SYN3: variants seen among roughly 807,000 people sequenced by gnomAD.
SYN3 encodes the protein synapsin III.
SYN3 carries 35 observed loss-of-function variants against 65.8 expected under a neutral mutation model. That is an observed-to-expected ratio of 0.53 (90% CI 0.41 to 0.70). SYN3 has a LOEUF of 0.70. Among genes scored for constraint, SYN3 ranks in the 30% least tolerant of loss-of-function variants. The pLI is 0.00. For synonymous variants in SYN3, 270 were observed against 292.9 expected, an observed-to-expected ratio of 0.92 and a Z score of 0.80; for missense variants, 680 against 749.0, an observed-to-expected ratio of 0.91 and a Z score of 1.08.
chr22:32,599,322 T>C (rs1025802934), intron 6 of SYN3, among the ~76,000 whole-genome samples: 7 of 146,070 alleles, frequency 4.8e-5, no homozygotes, highest in Non-Finnish European at 8.8e-5. Context: ...GCCCCTGATG[T>C]ACTTTTTTTT....
intron 6 of SYN3, among the ~76,000 whole-genome samples, chr22:32,731,289 T>C (rs2061267129): frequency 6.6e-6 from 1 of 152,194 alleles, no homozygotes. Context: ...TCAGATGCCA[T>C]GCCAGGACTG....
Position 32,749,639 on chromosome 22 carries a change from T to TCAA in SYN3, c.711+115273_711+115275dup, listed in dbSNP as rs559074812. 4.1e-4 allele frequency among the ~76,000 whole-genome samples: 63 copies of TCAA among 152,000 alleles called. No individual in the cohort carries two copies. The Middle Eastern group carries it at 0.01, about 25-fold the overall frequency. On this transcript the variant is annotated intron_variant, in intron 6 of 13. Transcript: ENST00000358763. Reference sequence around the variant, plus strand: ...CTGGGTGACAGAATGAGACTTCATCTCAACAACAACAACAACAACAAAAAT... The same window carrying TCAA: ...CTGGGTGACAGAATGAGACTTCATCTCAACAACAACAACAACAACAACAAAAAT...
At chr22:32,867,575 C>T (rs1216261340) in intron 5 of SYN3, among the ~76,000 whole-genome samples, 5 of 152,102 alleles carry the variant, frequency 3.3e-5, no homozygotes, top group African/African-American at 9.7e-5. Flanking sequence ...AGTACTTGAG[C>T]GAGTGGAGGA....
chr22:33,006,116 C>T (rs961081659), intron 2 of SYN3, among the ~76,000 whole-genome samples: 6 of 152,010 alleles, frequency 3.9e-5, no homozygotes, highest in Non-Finnish European at 8.8e-5. Context: ...GATTTGCAGG[C>T]GAGGGACTGT....
Position 32,847,265 on chromosome 22 carries a change from G to A in SYN3, c.711+17650C>T, listed in dbSNP as rs758608167. Among the ~76,000 whole-genome samples, 6 of 152,188 alleles carry A rather than the reference G, an allele frequency of 3.9e-5. No homozygotes were observed. The East Asian group carries it at 7.7e-4, about 20-fold the overall frequency. ...GGAGGAAACAGTCCCCGGGGCCTCC[G>A]GGAGGCTGGCTTGTCGCCGAGAATA... On this transcript the variant is annotated intron_variant, in intron 6 of 13. Transcript: ENST00000358763.
At chr22:32,766,827 A>C (rs952189428) in intron 6 of SYN3, among the ~76,000 whole-genome samples, 21 of 152,194 alleles carry the variant, frequency 1.4e-4, no homozygotes, top group African/African-American at 4.8e-4. Flanking sequence ...TTGAGTGGGA[A>C]TGGGTATAGA....
intron 1 of SYN3, among the ~76,000 whole-genome samples, chr22:33,009,210 T>C (rs984433285): frequency 3.3e-5 from 5 of 152,154 alleles, no homozygotes; most frequent in Non-Finnish European, 5.9e-5. Context: ...TCAAAAAGTT[T>C]CCCATAGTGG....
At chr22:32,845,229 G>A (rs966767191) in intron 6 of SYN3, among the ~76,000 whole-genome samples, 8 of 151,686 alleles carry the variant, frequency 5.3e-5, no homozygotes, top group African/African-American at 1.9e-4. Flanking sequence ...ATGGAATCTC[G>A]CTCTGTTTCC....
chr22:32,659,229 A>C (rs4820086), intron 6 of SYN3, among the ~76,000 whole-genome samples: 1 of 152,172 alleles, frequency 6.6e-6, no homozygotes, highest in Non-Finnish European at 1.5e-5. Context: ...TTATCTAAGA[A>C]GCAATAGGGA....
At chr22:32,975,183 T>C (rs2052147238) in intron 3 of SYN3, among the ~76,000 whole-genome samples, 1 of 152,146 alleles carries the variant, frequency 6.6e-6, no homozygotes, top group South Asian at 2.1e-4. Flanking sequence ...GAGACCATCC[T>C]GGCCAACATG....
At chr22:33,047,918 C>T (rs1045856580) in intron 1 of SYN3, among the ~76,000 whole-genome samples, 11 of 150,314 alleles carry the variant, frequency 7.3e-5, no homozygotes, top group Non-Finnish European at 7.4e-5. Context: ...GTAACATGAC[C>T]GATGTCACAC....
At chr22:33,013,579 CTT>C (rs1402358864) in intron 1 of SYN3, among the ~76,000 whole-genome samples, 1 of 152,168 alleles carries the variant, frequency 6.6e-6, no homozygotes. Context: ...AAAATCTACT[CTT>C]TTAGCAATTT....
chr22:32,660,017 T>C (rs764489522), intron 6 of SYN3, among the ~76,000 whole-genome samples: 9 of 152,248 alleles, frequency 5.9e-5, no homozygotes, highest in Non-Finnish European at 1.3e-4. Flanking sequence ...GAGTCAGGCA[T>C]GGTGCTAGGG....
At chr22:32,890,071 G>GC (rs1569306144) in intron 4 of SYN3, among the ~76,000 whole-genome samples, 3 of 67,916 alleles carry the variant, frequency 4.4e-5, no homozygotes, top group African/African-American at 1.4e-4. Flanking sequence ...AGATTTAGCT[G>GC]CTTTTTTTTT....
chr22:32,840,335 G>A lies in SYN3; in HGVS notation c.711+24580C>T, dbSNP rs117537129. Among the ~76,000 whole-genome samples, 91 of 152,280 alleles carry A rather than the reference G, an allele frequency of 6.0e-4. No homozygotes were observed. The East Asian group carries it at 0.017, about 29-fold the overall frequency. On this transcript the variant is annotated intron_variant, in intron 6 of 13. Coordinates refer to ENST00000358763, the MANE Select transcript of SYN3 (RefSeq NM_003490.4). ...GGGACTCCTTATCTTGATGGGGAGT[G>A]CATGTTAACGGTCTGGCCTTGGCGT...
intron 3 of SYN3, among the ~76,000 whole-genome samples, chr22:32,978,687 G>A (rs760062529): frequency 5.3e-5 from 8 of 152,150 alleles, no homozygotes; most frequent in Non-Finnish European, 1.0e-4. Flanking sequence ...GCTTCTACCT[G>A]TAAGTTCAAA....
At chr22:32,988,415 T>C (rs2052600649) in intron 2 of SYN3, among the ~76,000 whole-genome samples, 1 of 151,578 alleles carries the variant, frequency 6.6e-6, no homozygotes, top group Non-Finnish European at 1.5e-5. Flanking sequence ...GGATAAGATG[T>C]GGGGTGCAGG....
At chr22:32,788,118 T>C (rs896586654) in intron 6 of SYN3, among the ~76,000 whole-genome samples, 2 of 152,154 alleles carry the variant, frequency 1.3e-5, no homozygotes, top group African/African-American at 2.4e-5. Context: ...TCGTTTTTTT[T>C]CTCTTGAAAT....
At chr22:32,653,322 T>G (rs1441892393) in intron 6 of SYN3, among the ~76,000 whole-genome samples, 1 of 152,194 alleles carries the variant, frequency 6.6e-6, no homozygotes, top group Non-Finnish European at 1.5e-5. Context: ...TTAGAATTTT[T>G]TATCAATGGC....
Sources: gnomAD v4.1 joint callset for allele counts (sites outside exome capture counted in the v4.1 genomes callset) on GRCh38, gnomAD v4.1.1 for gene constraint, MANE v1.5 for transcripts, NCBI Gene and HGNC (gene_info 2026-07-23, HGNC 2026-07-21) for gene names.